Variants in RYR3 observed in about 807,000 individuals in gnomAD.
RYR3 encodes the protein brain ryanodine receptor-calcium release channel.
A neutral mutation model predicts 584.3 loss-of-function variants in RYR3; 207 were observed. The observed-to-expected ratio is 0.35, with a 90% CI of 0.32 to 0.40. The LOEUF is 0.40. RYR3 is among the 10% of genes least tolerant of loss of function. RYR3 has a pLI of 1.00. For synonymous variants in RYR3, 2,416 were observed against 2,248.5 expected (o/e 1.07, Z -2.11); for missense variants, 5,616 against 6,089.2 (o/e 0.92, Z 2.59).
Position 33,650,117 on chromosome 15 carries a change from G to A in RYR3, c.4142+882G>A, listed in dbSNP as rs1025048147. ...GCTTAGGCTGGGCACGGTGGCTCAC[G>A]CTTGTAATCACAGCACTTTGGGAGG... On this transcript the variant is annotated intron_variant, in intron 31 of 103. Transcript: ENST00000634891. Among the ~76,000 whole-genome samples the A allele has an allele frequency of 3.3e-5, 5 of 152,270 alleles. No individual in the cohort carries two copies. The East Asian group carries it at 5.8e-4, about 18-fold the overall frequency.
At chr15:33,579,370 G>C (rs2058478755) in intron 12 of RYR3, among the ~76,000 whole-genome samples, 3 of 152,146 alleles carry the variant, frequency 2.0e-5, no homozygotes, top group Admixed American at 1.3e-4. Flanking sequence ...GACGTGGAGG[G>C]GGGTGCAAGA....
intron 91 of RYR3, 29 bp downstream of exon 91, chr15:33,842,064 T>C: frequency 6.3e-7 from 1 of 1,583,242 alleles, no homozygotes; most frequent in Non-Finnish European, 8.6e-7. Context: ...GCCCTGTTCA[T>C]GGTGCAGGGA....
chr15:33,480,616 G>A (rs1475021354), intron 2 of RYR3, among the ~76,000 whole-genome samples: 1 of 152,184 alleles, frequency 6.6e-6, no homozygotes, highest in Non-Finnish European at 1.5e-5. Flanking sequence ...TAGATAAAAA[G>A]TGTTAGTGAG....
At chr15:33,752,439 C>G (rs1277483486) in intron 57 of RYR3, among the ~76,000 whole-genome samples, 1 of 152,184 alleles carries the variant, frequency 6.6e-6, no homozygotes, top group Non-Finnish European at 1.5e-5. Context: ...TTGAAGACAT[C>G]CTTCACATCC....
At chr15:33,848,513 A>G in intron 94 of RYR3, 92 bp downstream of exon 94, 1 of 1,424,906 alleles carries the variant, frequency 7.0e-7, no homozygotes, top group Non-Finnish European at 9.4e-7. Context: ...ACTGGTTAAT[A>G]TAAACTGTCT....
chr15:33,532,566 T>A (rs2141067866), intron 4 of RYR3, among the ~76,000 whole-genome samples: 1 of 152,334 alleles, frequency 6.6e-6, no homozygotes, highest in East Asian at 1.9e-4. Flanking sequence ...TTGTAAATAA[T>A]GTTCCAGGCT....
intron 37 of RYR3, among the ~76,000 whole-genome samples, chr15:33,669,672 G>T (rs1468596085): frequency 6.6e-6 from 1 of 152,186 alleles, no homozygotes; most frequent in Non-Finnish European, 1.5e-5. Flanking sequence ...CTACCTAAAA[G>T]AGCCTGTGCT....
chr15:33,503,773 G>C (rs2052215726), intron 3 of RYR3, 35 bp downstream of exon 3: 2 of 1,312,810 alleles, frequency 1.5e-6, no homozygotes, highest in Non-Finnish European at 2.2e-6. Flanking sequence ...GTTGGGATTG[G>C]GGTGCACCAC....
chr15:33,622,631 A>G (rs1296811735), intron 19 of RYR3, among the ~76,000 whole-genome samples: 2 of 152,250 alleles, frequency 1.3e-5, no homozygotes, highest in African/African-American at 4.8e-5. Flanking sequence ...GTATGGGCTC[A>G]GTAAAGATTT....
At chr15:33,458,934 A>G (rs1333057016) in intron 1 of RYR3, among the ~76,000 whole-genome samples, 1 of 152,216 alleles carries the variant, frequency 6.6e-6, no homozygotes, top group East Asian at 1.9e-4. Flanking sequence ...TGTCATATCC[A>G]GAACTCATTT....
At chr15:33,457,190 G>A (rs1447800483) in intron 1 of RYR3, among the ~76,000 whole-genome samples, 1 of 152,164 alleles carries the variant, frequency 6.6e-6, no homozygotes, top group Non-Finnish European at 1.5e-5. Context: ...TATTAGCTTT[G>A]AAACATTATT....
intron 2 of RYR3, among the ~76,000 whole-genome samples, chr15:33,484,619 T>A (rs1046206681): frequency 7.9e-6 from 1 of 126,250 alleles, no homozygotes; most frequent in African/African-American, 2.6e-5. Context: ...TTACATTGAA[T>A]TCAGGTATGG....
rs2068971140 is a variant in RYR3 at position 33,731,758 on chromosome 15, T to G, written c.7424+64T>G. 7 of 1,159,388 alleles carry G rather than the reference T, an allele frequency of 6.0e-6. No homozygotes were observed. In the Middle Eastern group the frequency reaches 5.7e-4, roughly 95 times the overall value. The allele number at this position is 1,159,388 out of a possible 1,614,324, so 71.8% of individuals were successfully genotyped here. A position where few individuals can be genotyped will look rare whatever the true frequency, so the allele number is the denominator to read the frequency against. ...TCCAGGTCAACTGCATTTTCCTATG[T>G]AATCTAAAAACTGGTGGTCTAGTCT... On this transcript the variant is annotated intron_variant, in intron 48 of 103. Coordinates refer to ENST00000634891, the MANE Select transcript of RYR3 (RefSeq NM_001036.6).
intron 67 of RYR3, among the ~76,000 whole-genome samples, chr15:33,789,963 C>T (rs1230716624): frequency 2.2e-5 from 3 of 138,316 alleles, no homozygotes; most frequent in Non-Finnish European, 3.1e-5. Context: ...AGATTACAGG[C>T]GTGAGCCACC....
At chr15:33,317,204 A>G (rs1292110840) in intron 1 of RYR3, among the ~76,000 whole-genome samples, 1 of 151,866 alleles carries the variant, frequency 6.6e-6, no homozygotes, top group African/African-American at 2.4e-5. Flanking sequence ...TTATGAGCCC[A>G]TTTTTTCTTT....
intron 18 of RYR3, among the ~76,000 whole-genome samples, chr15:33,606,488 A>G (rs1338250318): frequency 6.6e-6 from 1 of 152,216 alleles, no homozygotes; most frequent in East Asian, 1.9e-4. Flanking sequence ...GGAAGTATGA[A>G]TGAGCTTTTT....
At chr15:33,844,519 TTG>T (rs934863189) in intron 92 of RYR3, among the ~76,000 whole-genome samples, 6 of 152,280 alleles carry the variant, frequency 3.9e-5, no homozygotes, top group African/African-American at 1.4e-4. Context: ...TCCTTCACGC[TTG>T]TGTGTGTGTC....
intron 36 of RYR3, among the ~76,000 whole-genome samples, chr15:33,668,728 A>G (rs116194372): frequency 2.2e-3 from 337 of 152,304 alleles, no homozygotes; most frequent in African/African-American, 7.6e-3. Flanking sequence ...CTGAAGGGCA[A>G]TTTGTAAATT....
rs577082304 is a variant in RYR3 at position 33,503,763 on chromosome 15, G to A, written c.279+25G>A. On this transcript the variant is annotated intron_variant, in intron 3 of 103. Coordinates refer to ENST00000634891, the MANE Select transcript of RYR3 (RefSeq NM_001036.6). Reference sequence around the variant, plus strand: ...GGTGAGTACCCGAATTGTGTCCTAGGTTGGGATTGGGGTGCACCACATCCC... The same window carrying A: ...GGTGAGTACCCGAATTGTGTCCTAGATTGGGATTGGGGTGCACCACATCCC... The A allele has an allele frequency of 2.7e-6, 4 of 1,474,964 alleles. No individual in the cohort carries two copies. The South Asian group carries it at 4.7e-5, about 17-fold the overall frequency. The allele number at this position is 1,474,964 out of a possible 1,614,324, so 91.4% of individuals were successfully genotyped here.
Sources: gnomAD v4.1 joint callset for allele counts (sites outside exome capture counted in the v4.1 genomes callset) on GRCh38, gnomAD v4.1.1 for gene constraint, MANE v1.5 for transcripts, NCBI Gene and HGNC (gene_info 2026-07-23, HGNC 2026-07-21) for gene names.